The following ANKRD42 variants were observed in gnomAD, a reference collection of about 807,000 sequenced individuals.
ANKRD42 encodes the protein ankyrin repeat domain-containing protein 42.
ANKRD42 carries 43 observed loss-of-function variants against 51.5 expected under a neutral mutation model. The ratio of observed to expected loss-of-function variants is 0.83; its 90% CI spans 0.65 to 1.08. ANKRD42 has a LOEUF of 1.08. Among genes scored for constraint, ANKRD42 ranks in the 50% least tolerant of loss-of-function variants. The probability of loss-of-function intolerance (pLI) is 0.00; values close to 1 mark genes in which losing one functional copy is unlikely to be tolerated. For synonymous variants in ANKRD42, 203 were observed against 213.0 expected (o/e 0.95, Z 0.41); for missense variants, 608 against 629.3 (o/e 0.97, Z 0.36).
intron 5 of ANKRD42, among the ~76,000 whole-genome samples, chr11:83,220,534 T>C (rs1050120246): frequency 2.6e-5 from 4 of 152,112 alleles, no homozygotes; most frequent in Admixed American, 6.5e-5. Flanking sequence ...CACGGACTGA[T>C]AGAAAAAGCT....
At chr11:83,219,915 G>C (rs1862663999) in intron 5 of ANKRD42, among the ~76,000 whole-genome samples, 1 of 152,180 alleles carries the variant, frequency 6.6e-6, no homozygotes, top group Non-Finnish European at 1.5e-5. Context: ...CCATGAACAG[G>C]GATCTTCCAG....
downstream of ANKRD42, chr11:83,256,100 C>G: frequency 2.0e-6 from 1 of 499,932 alleles, no homozygotes; most frequent in East Asian, 3.4e-5. Context: ...TTTTAAATGA[C>G]ACGGACTCAG....
intron 1 of ANKRD42, among the ~76,000 whole-genome samples, chr11:83,195,970 C>CGA (rs889298550): frequency 2.0e-5 from 3 of 151,886 alleles, no homozygotes; most frequent in African/African-American, 7.3e-5. Context: ...GTCAGCCTCC[C>CGA]GAGTAGCTAG....
chr11:83,251,273 T>C (rs1863670362), downstream of ANKRD42, among the ~76,000 whole-genome samples: 1 of 152,158 alleles, frequency 6.6e-6, no homozygotes, highest in Non-Finnish European at 1.5e-5. Context: ...TCTCTCCTTC[T>C]ATCAAGCACC....
At chr11:83,226,425 T>C (rs1565189343) in intron 6 of ANKRD42, among the ~76,000 whole-genome samples, 2 of 152,216 alleles carry the variant, frequency 1.3e-5, no homozygotes, top group Non-Finnish European at 2.9e-5. Flanking sequence ...TGATACTTGG[T>C]TACCAAAGAA....
chr11:83,251,784 A>C (rs1591015221), downstream of ANKRD42, among the ~76,000 whole-genome samples: 1 of 152,224 alleles, frequency 6.6e-6, no homozygotes, highest in Non-Finnish European at 1.5e-5. Flanking sequence ...AATTTTGTTA[A>C]AATGTTACAC....
At chr11:83,250,723 C>T (rs1025646390), downstream of ANKRD42, among the ~76,000 whole-genome samples, 2 of 152,116 alleles carry the variant, frequency 1.3e-5, no homozygotes, top group Non-Finnish European at 1.5e-5. Context: ...AGACCAGATT[C>T]TCTCCCCTAT....
In ANKRD42 at chr11:83,211,268, C is replaced by CT. The variant is rs570850792; in HGVS notation, c.451-26dup. 1.2e-4 allele frequency: 189 copies of CT among 1,613,696 alleles called. 2 individuals are homozygous for CT. In the Middle Eastern group the frequency reaches 6.9e-3, roughly 59 times the overall value. The stretch of plus-strand genomic sequence containing the variant: ...ATTTCCCCTACAAAATGGGGAGAAA[C>CT]TAAGTCCTTGTGAATGTTACCTCTA... On this transcript the variant is annotated intron_variant, in intron 4 of 10. Coordinates refer to ENST00000533342, the MANE Select transcript of ANKRD42 (RefSeq NM_001300975.2).
rs1205344200 is a variant in ANKRD42 at position 83,224,917 on chromosome 11, A to G, written c.649A>G (p.Ser217Gly). 6.2e-7 allele frequency: 1 copy of G among 1,611,868 alleles called. No homozygotes were observed. Among genetic ancestry groups the G allele is most frequent in the African/African-American group, 1.3e-5 (1 of 75,030 alleles). The change falls in exon 6 of 11, where the codon AGT becomes GGT. Residue 217 changes from serine to glycine, a missense_variant. Coordinates refer to ENST00000533342, the MANE Select transcript of ANKRD42 (RefSeq NM_001300975.2). The stretch of plus-strand genomic sequence containing the variant: ...CAAATTCCTAGTCAGTAGAATGAGC[A>G]GTGCGACGCAAGTTTTAAAAGCTTT... ...CFKFLVSRMS[S>G]ATQVLKAFND...
At chr11:83,213,007 G>A in intron 5 of ANKRD42, 1 of 1,599,370 alleles carries the variant, frequency 6.3e-7, no homozygotes, top group Non-Finnish European at 8.5e-7. Context: ...TCAGCATCAT[G>A]GCCACCCTCA....
chr11:83,252,714 T>C (rs1266809549), downstream of ANKRD42, among the ~76,000 whole-genome samples: 1 of 152,086 alleles, frequency 6.6e-6, no homozygotes, highest in African/African-American at 2.4e-5. Flanking sequence ...AATCTCTTTA[T>C]CTCAGTCATG....
chr11:83,211,278 G>A lies in ANKRD42; in HGVS notation c.451-17G>A, dbSNP rs749881848. The A allele has an allele frequency of 6.2e-7, 1 of 1,613,972 alleles. No individual in the cohort carries two copies. The highest frequency in any genetic ancestry group is 1.7e-5 in the Admixed American group (1 of 60,012). On this transcript the variant is annotated splice_polypyrimidine_tract_variant and intron_variant, in intron 4 of 10. Transcript: ENST00000533342. ...CAAAATGGGGAGAAACTAAGTCCTTGTGAATGTTACCTCTAGGATCCCAGT... is the reference window on the plus strand; with the variant it reads ...CAAAATGGGGAGAAACTAAGTCCTTATGAATGTTACCTCTAGGATCCCAGT...
At chr11:83,246,942 C>T (rs916610084) in intron 10 of ANKRD42, among the ~76,000 whole-genome samples, 4 of 151,938 alleles carry the variant, frequency 2.6e-5, no homozygotes, top group African/African-American at 9.7e-5. Flanking sequence ...TGTTTTTTTC[C>T]CTGCTACCCT....
chr11:83,216,471 C>T (rs1023218875), intron 5 of ANKRD42, among the ~76,000 whole-genome samples: 4 of 152,062 alleles, frequency 2.6e-5, no homozygotes, highest in Non-Finnish European at 5.9e-5. Flanking sequence ...ACTACAGGCG[C>T]CCGCCACCTC....
chr11:83,244,089 CT>C (rs1166488486), intron 9 of ANKRD42, among the ~76,000 whole-genome samples: 2 of 146,254 alleles, frequency 1.4e-5, no homozygotes, highest in East Asian at 4.2e-4. Context: ...TCAAGTGGTA[CT>C]CCTGCCTCAG....
intron 6 of ANKRD42, among the ~76,000 whole-genome samples, chr11:83,225,932 T>C (rs192903824): frequency 6.6e-6 from 1 of 152,296 alleles, no homozygotes; most frequent in Non-Finnish European, 1.5e-5. Context: ...ATTTTAGTTA[T>C]ATATATGAGT....
chr11:83,236,586 CTG>C, intron 8 of ANKRD42, 77 bp downstream of exon 8: 1 of 1,172,634 alleles, frequency 8.5e-7, no homozygotes, highest in Non-Finnish European at 1.2e-6. Flanking sequence ...TCAAAAATCT[CTG>C]AAGTTTTAAT....
intron 11 of ANKRD42, among the ~76,000 whole-genome samples, chr11:83,255,659 GCA>G (rs951939375): frequency 7.2e-5 from 11 of 152,052 alleles, no homozygotes; most frequent in African/African-American, 2.4e-4. Flanking sequence ...ATATGATTCA[GCA>G]CAATATAATG....
chr11:83,228,496 C>T (rs578223335), intron 7 of ANKRD42, among the ~76,000 whole-genome samples: 2 of 152,108 alleles, frequency 1.3e-5, no homozygotes, highest in African/African-American at 4.8e-5. Flanking sequence ...TCCTGAAGTG[C>T]AGGATTACAG....
Sources: gnomAD v4.1 joint callset for allele counts (sites outside exome capture counted in the v4.1 genomes callset) on GRCh38, gnomAD v4.1.1 for gene constraint, MANE v1.5 for transcripts, NCBI Gene and HGNC (gene_info 2026-07-23, HGNC 2026-07-21) for gene names.